Variants in FOXO1 observed in about 807,000 individuals in gnomAD.
FOXO1 encodes forkhead box O1, also known as forkhead box protein O1.
A neutral mutation model predicts 44.1 loss-of-function variants in FOXO1; 6 were observed. That is an observed-to-expected ratio of 0.14 (90% CI 0.07 to 0.27). The LOEUF (loss-of-function observed/expected upper bound fraction) is 0.27, where lower values mean the gene tolerates loss of function less well. Among genes scored for constraint, FOXO1 ranks in the 10% least tolerant of loss-of-function variants. The pLI, the probability that FOXO1 is intolerant of heterozygous loss-of-function variation, is 1.00. For synonymous variants in FOXO1, 380 were observed against 362.7 expected (o/e 1.05, Z -0.54); for missense variants, 737 against 888.8 (o/e 0.83, Z 2.17).
chr13:40,573,662 A>G (rs1465843079), intron 1 of FOXO1, among the ~76,000 whole-genome samples: 1 of 152,238 alleles, frequency 6.6e-6, no homozygotes, highest in Non-Finnish European at 1.5e-5. Context: ...TTAAGACAAG[A>G]CTATCTTTAT....
At chr13:40,619,587 T>A (rs542602319) in intron 1 of FOXO1, 114 of 1,480,218 alleles carry the variant, frequency 7.7e-5, no homozygotes, top group Non-Finnish European at 9.7e-5. Flanking sequence ...ACAGAGATCA[T>A]ATTACAAATA....
intron 1 of FOXO1, among the ~76,000 whole-genome samples, chr13:40,616,177 A>G (rs1303302685): frequency 1.3e-5 from 2 of 152,256 alleles, no homozygotes; most frequent in Non-Finnish European, 2.9e-5. Flanking sequence ...TAAATCTGAA[A>G]GAGCTTTAGT....
chr13:40,643,567 C>T (rs1566083523), intron 1 of FOXO1, among the ~76,000 whole-genome samples: 1 of 151,986 alleles, frequency 6.6e-6, no homozygotes. Context: ...AGAAGTTCTT[C>T]CAAAGCACAA....
At chr13:40,565,834 G>A (rs1423104847) in intron 1 of FOXO1, among the ~76,000 whole-genome samples, 3 of 152,170 alleles carry the variant, frequency 2.0e-5, no homozygotes, top group African/African-American at 7.2e-5. Context: ...ACAGACCTAT[G>A]TATGTCATAA....
rs567347205 is a variant in FOXO1, at chr13:40,557,063, T to C, written c.*1986A>G. On this transcript the variant is annotated 3_prime_UTR_variant, in exon 3 of 3. Transcript: ENST00000379561. ...GATCATCACAGTGGGAAGCTTACAA[T>C]AGAGCTGGCTTACTGTAGGAAATCT... The C allele has an allele frequency of 3.3e-5, 5 of 152,344 alleles. No individual in the cohort carries two copies. The highest frequency in any genetic ancestry group is 1.2e-4 in the African/African-American group (5 of 41,572). The allele number at this position is 152,344 out of a possible 1,614,324, so 9.4% of individuals were successfully genotyped here.
chr13:40,622,246 A>G (rs568002487), intron 1 of FOXO1, among the ~76,000 whole-genome samples: 2 of 152,364 alleles, frequency 1.3e-5, no homozygotes, highest in South Asian at 2.1e-4. Context: ...AAAAGTCTAT[A>G]AAGAATCGAT....
At chr13:40,600,085 G>A (rs1049417228) in intron 1 of FOXO1, among the ~76,000 whole-genome samples, 1 of 152,176 alleles carries the variant, frequency 6.6e-6, no homozygotes, top group African/African-American at 2.4e-5. Context: ...CACTGACCCA[G>A]CGCTGAAAAC....
intron 1 of FOXO1, among the ~76,000 whole-genome samples, chr13:40,616,703 T>C (rs1876435133): frequency 6.6e-6 from 1 of 152,212 alleles, no homozygotes; most frequent in Non-Finnish European, 1.5e-5. Flanking sequence ...GTTGTGTTTC[T>C]CTGCTTAGGA....
At chr13:40,589,539 C>T (rs560660910) in intron 1 of FOXO1, among the ~76,000 whole-genome samples, 2 of 152,180 alleles carry the variant, frequency 1.3e-5, no homozygotes, top group African/African-American at 2.4e-5. Flanking sequence ...TAAAATATTT[C>T]GTCTTTGTTA....
At chr13:40,584,290 A>G (rs1449454304) in intron 1 of FOXO1, among the ~76,000 whole-genome samples, 3 of 151,742 alleles carry the variant, frequency 2.0e-5, no homozygotes, top group Non-Finnish European at 4.4e-5. Context: ...CCATCTCAAA[A>G]CTGCCCCCAC....
chr13:40,617,729 G>A (rs1876476489), intron 1 of FOXO1, among the ~76,000 whole-genome samples: 1 of 152,196 alleles, frequency 6.6e-6, no homozygotes. Context: ...GAAAAAAGAT[G>A]TAAGTAACAA....
intron 1 of FOXO1, among the ~76,000 whole-genome samples, chr13:40,595,938 ATTT>A (rs71080387): frequency 9.2e-5 from 12 of 130,780 alleles, no homozygotes; most frequent in South Asian, 2.5e-4. Context: ...ATGTCAGCTA[ATTT>A]TTTTTTTTTT....
rs1050100463 is a variant in FOXO1 at position 40,666,326 on chromosome 13, C to T, written c.-114G>A. ...CGGTCCGAGATTTGGGGGAACGAAGCCGGTGCGGCGAGCGGACGGAAACTG... is the reference window on the plus strand; with the variant it reads ...CGGTCCGAGATTTGGGGGAACGAAGTCGGTGCGGCGAGCGGACGGAAACTG... On this transcript the variant is annotated 5_prime_UTR_variant, in exon 1 of 3. Coordinates refer to ENST00000379561, the MANE Select transcript of FOXO1 (RefSeq NM_002015.4). 28 of 844,032 alleles carry T rather than the reference C, an allele frequency of 3.3e-5. No individual in the cohort carries two copies. In the African/African-American group the frequency reaches 4.4e-4, roughly 13 times the overall value. The allele number at this position is 844,032 out of a possible 1,614,324, so 52.3% of individuals were successfully genotyped here.
chr13:40,640,099 A>C (rs1398898425), intron 1 of FOXO1, among the ~76,000 whole-genome samples: 1 of 152,238 alleles, frequency 6.6e-6, no homozygotes. Context: ...CACTCCTTGA[A>C]TAAAACAAAC....
intron 1 of FOXO1, among the ~76,000 whole-genome samples, chr13:40,611,696 G>A (rs998780252): frequency 7.2e-5 from 11 of 152,084 alleles, no homozygotes; most frequent in Admixed American, 4.6e-4. Context: ...GAGAGAGGAC[G>A]GTGCTCAGCA....
At chr13:40,645,449 A>T (rs1016282305) in intron 1 of FOXO1, among the ~76,000 whole-genome samples, 1 of 152,166 alleles carries the variant, frequency 6.6e-6, no homozygotes, top group African/African-American at 2.4e-5. Context: ...GGTGACTTGC[A>T]TCATGTTCAC....
intron 1 of FOXO1, among the ~76,000 whole-genome samples, chr13:40,564,733 C>A (rs1226582730): frequency 6.6e-6 from 1 of 152,186 alleles, no homozygotes; most frequent in Non-Finnish European, 1.5e-5. Flanking sequence ...GAGGTTCATG[C>A]CCTGTCAATC....
chr13:40,640,572 G>C (rs1877313479), intron 1 of FOXO1, among the ~76,000 whole-genome samples: 1 of 152,186 alleles, frequency 6.6e-6, no homozygotes, highest in African/African-American at 2.4e-5. Context: ...TCAGTTTCCT[G>C]TGCATGCAAT....
At chr13:40,645,180 T>C (rs1207491867) in intron 1 of FOXO1, among the ~76,000 whole-genome samples, 1 of 152,184 alleles carries the variant, frequency 6.6e-6, no homozygotes. Flanking sequence ...AGGAAAAGGA[T>C]TGGGTAGGTG....
Sources: gnomAD v4.1 joint callset for allele counts (sites outside exome capture counted in the v4.1 genomes callset) on GRCh38, gnomAD v4.1.1 for gene constraint, MANE v1.5 for transcripts, NCBI Gene and HGNC (gene_info 2026-07-23, HGNC 2026-07-21) for gene names.